The following DENND4C variants were observed in gnomAD, a reference collection of about 807,000 sequenced individuals.
DENND4C encodes the protein DENN domain-containing protein 4C.
Under a neutral mutation model 203.0 loss-of-function variants are expected in DENND4C, and 108 were observed. That is an observed-to-expected ratio of 0.53 (90% confidence interval 0.46 to 0.62). The LOEUF (loss-of-function observed/expected upper bound fraction) is 0.62. Among genes scored for constraint, DENND4C ranks in the 20% least tolerant of loss-of-function variants. DENND4C has a pLI of 0.00. For missense variants in DENND4C, 2,481 were observed against 2,301.2 expected, an observed-to-expected ratio of 1.08 and a Z score of -1.60; for synonymous variants, 871 against 792.4, an observed-to-expected ratio of 1.10 and a Z score of -1.67.
At chr9:19,302,920 G>A (rs1333689913) in intron 9 of DENND4C, among the ~76,000 whole-genome samples, 2 of 151,626 alleles carry the variant, frequency 1.3e-5, no homozygotes, top group African/African-American at 2.4e-5. Flanking sequence ...AATGAGTCCT[G>A]TTCTGTTTGT....
intron 1 of DENND4C, among the ~76,000 whole-genome samples, chr9:19,244,825 A>G (rs1174076795): frequency 6.6e-6 from 1 of 151,996 alleles, no homozygotes; most frequent in Non-Finnish European, 1.5e-5. Flanking sequence ...AATTCAGTAC[A>G]GTTTCGTTCT....
rs747129164 is a variant in DENND4C, at chr9:19,357,994, T to C, written c.4994T>C (p.Val1665Ala). Residue 1665 changes from valine (V) to alanine (A), a missense_variant, in exon 28 of 33, where the codon GTC (valine) becomes GCC (alanine). Physicochemically the swap from Val to Ala is moderately conservative, Grantham distance 64 (BLOSUM62 0). Transcript: ENST00000434457. ...SDEIKRASGD[V>A]QTMKISSVPN... ...GAAATAAAGAGAGCCAGTGGAGATG[T>C]CCAAACTATGAAAATTTCATCTGTG... is the stretch of plus-strand genomic sequence containing the variant. 1 of 1,612,958 alleles carries C rather than the reference T, an allele frequency of 6.2e-7. No homozygotes were observed. The highest frequency in any genetic ancestry group is 1.1e-5 in the South Asian group (1 of 90,960).
At chr9:19,319,761 G>T (rs896282036) in intron 12 of DENND4C, among the ~76,000 whole-genome samples, 5 of 152,048 alleles carry the variant, frequency 3.3e-5, no homozygotes, top group Admixed American at 1.3e-4. Context: ...AGAAAAAAAT[G>T]TAATACTAAC....
chr9:19,286,103 G>GGCA, intron 2 of DENND4C, among the ~76,000 whole-genome samples: 1 of 152,200 alleles, frequency 6.6e-6, no homozygotes, highest in Admixed American at 6.5e-5. Flanking sequence ...TATTGCCAAA[G>GGCA]GCAGCTGGAA....
At chr9:19,351,707 G>A (rs200509416) in intron 24 of DENND4C, among the ~76,000 whole-genome samples, 4 of 151,532 alleles carry the variant, frequency 2.6e-5, no homozygotes, top group Admixed American at 1.3e-4. Flanking sequence ...CCTGGGAGGC[G>A]GAGGCAGGAG....
intron 10 of DENND4C, among the ~76,000 whole-genome samples, chr9:19,311,678 A>G (rs1471398027): frequency 6.6e-6 from 1 of 152,138 alleles, no homozygotes; most frequent in Non-Finnish European, 1.5e-5. Context: ...CTCACTCATT[A>G]TAGGAGAAAT....
At chr9:19,357,507 A>C (rs551157117) in intron 27 of DENND4C, 12 of 253,656 alleles carry the variant, frequency 4.7e-5, no homozygotes, top group African/African-American at 2.7e-4. Flanking sequence ...TTGAGACTCT[A>C]TTGTATGCTA....
At chr9:19,290,614 G>A (rs780187015) in intron 4 of DENND4C, 90 bp from the exon 5 acceptor site, 5 of 859,394 alleles carry the variant, frequency 5.8e-6, no homozygotes, top group South Asian at 4.2e-5. Flanking sequence ...CATGAAATTC[G>A]GCATTAAAAT....
intron 1 of DENND4C, among the ~76,000 whole-genome samples, chr9:19,274,660 T>G (rs1832500262): frequency 6.6e-6 from 1 of 152,228 alleles, no homozygotes; most frequent in African/African-American, 2.4e-5. Flanking sequence ...ATGCTCTATC[T>G]GGTATTTTTA....
At chr9:19,319,352 T>TTATATACACACACA (rs1563799041) in intron 12 of DENND4C, among the ~76,000 whole-genome samples, 36 of 135,858 alleles carry the variant, frequency 2.6e-4, no homozygotes, top group African/African-American at 9.9e-4. Context: ...ATATATATAC[T>TTATATACACACACA]TATATATACA....
intron 30 of DENND4C, among the ~76,000 whole-genome samples, chr9:19,368,184 T>C (rs764055884): frequency 1.3e-5 from 2 of 152,218 alleles, no homozygotes; most frequent in Admixed American, 1.3e-4. Context: ...GTCTATCATT[T>C]AGCAGGTGGA....
At chr9:19,234,532 T>G (rs1821397487) in intron 1 of DENND4C, among the ~76,000 whole-genome samples, 1 of 137,114 alleles carries the variant, frequency 7.3e-6, no homozygotes, top group East Asian at 2.0e-4. Flanking sequence ...ACCTGGCTGT[T>G]TTTTTTTTTT....
chr9:19,352,883 C>T (rs1342157476), intron 26 of DENND4C, among the ~76,000 whole-genome samples: 1 of 152,098 alleles, frequency 6.6e-6, no homozygotes, highest in African/African-American at 2.4e-5. Flanking sequence ...GCTGTAATCT[C>T]AACACTTTGC....
Position 19,292,018 on chromosome 9 carries a change from A to G in DENND4C, c.801+1142A>G, listed in dbSNP as rs1041745605. Reference sequence around the variant, plus strand: ...AAATAAACAAATAAGTAAATAAATAAATAATCCCACCTCTTTTTTTTTTGA... The same window carrying G: ...AAATAAACAAATAAGTAAATAAATAGATAATCCCACCTCTTTTTTTTTTGA... On this transcript the variant is annotated intron_variant, in intron 5 of 32. Coordinates refer to ENST00000434457, the MANE Select transcript of DENND4C (RefSeq NM_001330640.2). Among the ~76,000 whole-genome samples the G allele has an allele frequency of 7.9e-5, 12 of 151,784 alleles. No homozygotes were observed. In the East Asian group the frequency reaches 2.3e-3, roughly 29 times the overall value.
rs188046644 is a variant in DENND4C at position 19,368,249 on chromosome 9, A to G, written c.5525-1588A>G. Among the ~76,000 whole-genome samples the G allele has an allele frequency of 2.1e-5, 3 of 143,042 alleles. No homozygotes were observed. The East Asian group carries it at 6.0e-4, about 28-fold the overall frequency. The allele number at this position is 143,042 out of a possible 152,430, so 93.8% of individuals were successfully genotyped here. On this transcript the variant is annotated intron_variant, in intron 30 of 32. Transcript: ENST00000434457. The stretch of plus-strand genomic sequence containing the variant: ...GTATTTCCTGTTATCATAACAGAGG[A>G]CTTTGCTATTTTTTTTTTTTTTTTT...
intron 1 of DENND4C, among the ~76,000 whole-genome samples, chr9:19,248,199 C>A (rs921444691): frequency 3.9e-5 from 6 of 152,160 alleles, no homozygotes; most frequent in African/African-American, 1.4e-4. Context: ...CTTCTTTTCT[C>A]CTTCACTGAC....
intron 1 of DENND4C, among the ~76,000 whole-genome samples, chr9:19,261,544 A>G (rs998336127): frequency 5.3e-5 from 8 of 151,084 alleles, no homozygotes; most frequent in Non-Finnish European, 7.4e-5. Context: ...ACACTATTGT[A>G]CAGGCTGGAG....
At chr9:19,249,360 C>G (rs1243247334) in intron 1 of DENND4C, among the ~76,000 whole-genome samples, 1 of 151,588 alleles carries the variant, frequency 6.6e-6, no homozygotes. Context: ...TCAAATGATT[C>G]TCCTGCCTCA....
chr9:19,251,806 C>G, intron 1 of DENND4C, among the ~76,000 whole-genome samples: 1 of 152,158 alleles, frequency 6.6e-6, no homozygotes, highest in East Asian at 1.9e-4. Flanking sequence ...CAACAAGTTC[C>G]TCATCTCCAT....
Sources: allele counts gnomAD v4.1 joint callset (sites outside exome capture counted in the v4.1 genomes callset), GRCh38; gene constraint gnomAD v4.1.1; transcripts MANE v1.5; gene names NCBI Gene and HGNC (gene_info 2026-07-23, HGNC 2026-07-21).